The following CRYBG3 variants were observed in gnomAD, a reference collection of about 807,000 sequenced individuals.
CRYBG3 encodes the protein very large A-kinase anchor protein.
In CRYBG3, 127 loss-of-function variants were observed where a neutral mutation model predicts 244.2. The ratio of observed to expected loss-of-function variants is 0.52; its 90% CI spans 0.45 to 0.60. The LOEUF is 0.60. Among genes scored for constraint, CRYBG3 ranks in the 20% least tolerant of loss-of-function variants. The pLI is 0.00. For missense variants in CRYBG3, 3,325 were observed against 3,442.5 expected, an observed-to-expected ratio of 0.97 and a Z score of 0.85; for synonymous variants, 1,132 against 1,195.8, an observed-to-expected ratio of 0.95 and a Z score of 1.10.
rs147790337 is a variant in CRYBG3 at position 97,894,741 on chromosome 3, G to A, written c.7575-1218G>A. On this transcript the variant is annotated intron_variant, in intron 11 of 21. Coordinates refer to ENST00000389622, the MANE Select transcript of CRYBG3 (RefSeq NM_153605.4). The stretch of plus-strand genomic sequence containing the variant: ...TATAAATAAAAGCGTGTTTTGAGTA[G>A]CCACACTTATATAAAATAAAGCTTA... 7.6e-4 allele frequency among the ~76,000 whole-genome samples: 115 copies of A among 152,010 alleles called. 2 individuals carry two copies. The East Asian group carries it at 0.019, about 26-fold the overall frequency.
intron 19 of CRYBG3, among the ~76,000 whole-genome samples, chr3:97,940,701 C>G (rs984254064): frequency 1.3e-5 from 2 of 151,968 alleles, no homozygotes; most frequent in Admixed American, 1.3e-4. Context: ...CTGGGTTTTT[C>G]AAGACCTCCC....
chr3:97,873,768 T>C lies in CRYBG3; in HGVS notation c.2574T>C (p.Ser858=). 6.5e-7 allele frequency: 1 copy of C among 1,534,396 alleles called. No homozygotes were observed. Among genetic ancestry groups the C allele is most frequent in the South Asian group, 1.2e-5 (1 of 83,554 alleles). The change falls in exon 4 of 22, where the codon TCT becomes TCC. Residue 858 remains serine, a synonymous_variant. Coordinates refer to ENST00000389622, the MANE Select transcript of CRYBG3 (RefSeq NM_153605.4). ...ACATTTCTCAGGATAAAATGTCTTCTTTTCCATTGAAAATTACCCATGTTC... is the reference window on the plus strand; with the variant it reads ...ACATTTCTCAGGATAAAATGTCTTCCTTTCCATTGAAAATTACCCATGTTC... ...PRNISQDKMS[S]FPLKITHVPE...
In CRYBG3 at chr3:97,873,282, G is replaced by C; in HGVS notation, c.2088G>C (p.Gln696His). 6.5e-7 allele frequency: 1 copy of C among 1,535,470 alleles called. No homozygotes were observed. Among genetic ancestry groups the C allele is most frequent in the South Asian group, 1.2e-5 (1 of 83,970 alleles). The change falls in exon 4 of 22, where the codon CAG becomes CAC. Residue 696 changes from glutamine to histidine, a missense_variant. By Grantham distance (24) the Gln-to-His change is conservative. Coordinates refer to ENST00000389622, the MANE Select transcript of CRYBG3 (RefSeq NM_153605.4). ...GNVNIVGISY[Q>H]PRKCKEENVK... Reference sequence around the variant, plus strand: ...TCAACATTGTTGGTATTTCCTATCAGCCTAGGAAGTGTAAAGAAGAAAATG... The same window carrying C: ...TCAACATTGTTGGTATTTCCTATCACCCTAGGAAGTGTAAAGAAGAAAATG...
intron 15 of CRYBG3, among the ~76,000 whole-genome samples, chr3:97,906,110 G>A (rs1280121134): frequency 6.7e-6 from 1 of 149,106 alleles, no homozygotes; most frequent in Non-Finnish European, 1.5e-5. Flanking sequence ...CTATATCTCT[G>A]TTTTGGTACC....
intron 12 of CRYBG3, among the ~76,000 whole-genome samples, chr3:97,898,241 A>T (rs918629661): frequency 6.6e-6 from 1 of 151,466 alleles, no homozygotes; most frequent in East Asian, 1.9e-4. Context: ...AAAAAGAAAG[A>T]AAGTTTTATC....
rs1464703071 is a variant in CRYBG3 at position 97,841,083 on chromosome 3, C to T, written c.150-2112C>T. Among the ~76,000 whole-genome samples the T allele has an allele frequency of 1.4e-4, 21 of 151,812 alleles. 1 individual carries two copies. Among genetic ancestry groups the T allele is most frequent in the Admixed American group, 2.0e-4 (3 of 15,228 alleles). ...GAAATTCTTATTTTATACATTTGTACGGGTTACAATTCTGTATTGTACAAT... is the reference window on the plus strand; with the variant it reads ...GAAATTCTTATTTTATACATTTGTATGGGTTACAATTCTGTATTGTACAAT... On this transcript the variant is annotated intron_variant, in intron 1 of 21. Transcript: ENST00000389622.
chr3:97,884,406 G>A (rs896338772), intron 7 of CRYBG3, among the ~76,000 whole-genome samples: 1 of 152,014 alleles, frequency 6.6e-6, no homozygotes, highest in Admixed American at 6.6e-5. Context: ...GTTGTTAGAT[G>A]CAGGACTGAG....
chr3:97,860,251 G>A (rs2039126766), intron 2 of CRYBG3, among the ~76,000 whole-genome samples: 1 of 152,052 alleles, frequency 6.6e-6, no homozygotes, highest in Non-Finnish European at 1.5e-5. Flanking sequence ...TTATTATCAG[G>A]CATGTTTCAA....
chr3:97,863,127 A>G (rs544039941), intron 2 of CRYBG3, among the ~76,000 whole-genome samples: 1 of 152,268 alleles, frequency 6.6e-6, no homozygotes, highest in Admixed American at 6.5e-5. Flanking sequence ...AAGTGCCCTA[A>G]GGTGGTTTTG....
chr3:97,920,425 A>G (rs891204651), intron 17 of CRYBG3, among the ~76,000 whole-genome samples: 3 of 152,108 alleles, frequency 2.0e-5, no homozygotes, highest in Non-Finnish European at 2.9e-5. Flanking sequence ...CTTCATTCCC[A>G]GATTCCACAT....
At chr3:97,868,131 A>G (rs1047374489) in intron 3 of CRYBG3, among the ~76,000 whole-genome samples, 6 of 152,174 alleles carry the variant, frequency 3.9e-5, no homozygotes, top group Admixed American at 3.9e-4. Flanking sequence ...AAAATACAAA[A>G]AAATTAGCCA....
At chr3:97,910,357 C>A (rs943247650) in intron 15 of CRYBG3, among the ~76,000 whole-genome samples, 23 of 152,206 alleles carry the variant, frequency 1.5e-4, no homozygotes, top group Non-Finnish European at 1.3e-4. Flanking sequence ...CTGGCTGCCG[C>A]CTTGCAGTTT....
intron 8 of CRYBG3, among the ~76,000 whole-genome samples, chr3:97,887,909 A>G (rs1170861221): frequency 6.6e-6 from 1 of 152,254 alleles, no homozygotes; most frequent in Non-Finnish European, 1.5e-5. Flanking sequence ...GGCAGCCAAT[A>G]GAACTGATAT....
rs781152055 is a variant in CRYBG3, at chr3:97,936,921, G to C, written c.8505+13G>C. On this transcript the variant is annotated intron_variant, in intron 19 of 21. Transcript: ENST00000389622. ...TCCTATGAAGCAGGTAAGGAGAAAA[G>C]AACCATAAGATTCCAAATAGCTTGC... 2.0e-5 allele frequency: 32 copies of C among 1,607,616 alleles called. No homozygotes were observed. The highest frequency in any genetic ancestry group is 2.5e-5 in the Non-Finnish European group (30 of 1,177,858).
chr3:97,870,841 A>G (rs2039294071), intron 3 of CRYBG3, among the ~76,000 whole-genome samples: 1 of 152,198 alleles, frequency 6.6e-6, no homozygotes. Flanking sequence ...ACCTTCCCTC[A>G]AATAGCCACC....
chr3:97,877,259 A>G lies in CRYBG3; in HGVS notation c.6065A>G (p.Gln2022Arg), dbSNP rs1436385810. ...GCTTCCGCAGAAGCAAGACAAACAC[A>G]GTCTGTCTTGTTTCATGATACGTCC... Reference protein sequence around the residue: ...KYASAEARQTQSVLFHDTSAD... With the variant: ...KYASAEARQTRSVLFHDTSAD... The change falls in exon 4 of 22, where the codon CAG (glutamine) becomes CGG (arginine). Residue 2022 changes from glutamine to arginine, a missense_variant. Transcript: ENST00000389622. 1 of 1,613,710 alleles carries G rather than the reference A, an allele frequency of 6.2e-7. No individual in the cohort carries two copies. The highest frequency in any genetic ancestry group is 8.5e-7 in the Non-Finnish European group (1 of 1,179,808).
At chr3:97,907,150 G>A (rs1271904101) in intron 15 of CRYBG3, among the ~76,000 whole-genome samples, 1 of 152,150 alleles carries the variant, frequency 6.6e-6, no homozygotes, top group Non-Finnish European at 1.5e-5. Context: ...CGGTTTGCCA[G>A]TATTTTATTG....
chr3:97,891,629 A>G (rs867972081), intron 10 of CRYBG3, among the ~76,000 whole-genome samples: 26 of 152,168 alleles, frequency 1.7e-4, no homozygotes, highest in African/African-American at 6.0e-4. Flanking sequence ...AACTATGTCA[A>G]TGCAGTCTTT....
chr3:97,849,438 TA>T (rs149006625), intron 2 of CRYBG3, among the ~76,000 whole-genome samples: 36 of 146,012 alleles, frequency 2.5e-4, no homozygotes, highest in East Asian at 6.0e-4. Flanking sequence ...TGATTGCTTC[TA>T]AAAAAAAAAA....
Sources: allele counts gnomAD v4.1 joint callset (sites outside exome capture counted in the v4.1 genomes callset), GRCh38; gene constraint gnomAD v4.1.1; transcripts MANE v1.5; gene names NCBI Gene and HGNC (gene_info 2026-07-23, HGNC 2026-07-21).